The following EPB41L5 variants were observed in gnomAD, a reference collection of about 807,000 sequenced individuals.
EPB41L5 encodes band 4.1-like protein 5.
EPB41L5 carries 55 observed loss-of-function variants against 106.6 expected under a neutral mutation model. The ratio of observed to expected loss-of-function variants is 0.52; its 90% CI spans 0.42 to 0.65. EPB41L5 has a LOEUF of 0.65. Ranked by LOEUF, EPB41L5 falls within the 30% of genes least tolerant of loss-of-function variation. The pLI, the probability that EPB41L5 is intolerant of heterozygous loss-of-function variation, is 0.00. For missense variants in EPB41L5, 871 were observed against 882.1 expected (o/e 0.99, Z 0.16); for synonymous variants, 297 against 306.7 (o/e 0.97, Z 0.33).
chr2:120,120,873 T>A (rs1268153877), intron 16 of EPB41L5, among the ~76,000 whole-genome samples: 1 of 152,194 alleles, frequency 6.6e-6, no homozygotes, highest in African/African-American at 2.4e-5. Flanking sequence ...CCCAGCACCC[T>A]GGGAGGCCGA....
chr2:120,075,118 G>T (rs1028379794), intron 5 of EPB41L5, among the ~76,000 whole-genome samples: 6 of 152,182 alleles, frequency 3.9e-5, no homozygotes, highest in Non-Finnish European at 7.3e-5. Flanking sequence ...GTGAGCCACT[G>T]CACCAGGCCT....
chr2:120,093,139 G>A, intron 13 of EPB41L5, 110 bp from the exon 14 acceptor site: 2 of 908,500 alleles, frequency 2.2e-6, no homozygotes, highest in East Asian at 4.8e-5. Flanking sequence ...TAAATTTATG[G>A]TTGTGAAACA....
chr2:120,123,871 T>C (rs994234780), intron 16 of EPB41L5, among the ~76,000 whole-genome samples: 3 of 152,000 alleles, frequency 2.0e-5, no homozygotes, highest in Non-Finnish European at 4.4e-5. Context: ...TTGCCCAGGC[T>C]GGTCTCAAAC....
chr2:120,144,906 C>G (rs963086369), intron 19 of EPB41L5, among the ~76,000 whole-genome samples: 6 of 152,186 alleles, frequency 3.9e-5, no homozygotes, highest in Non-Finnish European at 7.3e-5. Context: ...AAAATTGTCT[C>G]AATTCATGTA....
At chr2:120,027,051 A>C (rs1429839119) in intron 2 of EPB41L5, among the ~76,000 whole-genome samples, 1 of 152,238 alleles carries the variant, frequency 6.6e-6, no homozygotes, top group African/African-American at 2.4e-5. Flanking sequence ...AAAGTCAGAT[A>C]ATATTAAGTG....
At chr2:120,099,024 C>T (rs1171137145) in intron 14 of EPB41L5, among the ~76,000 whole-genome samples, 1 of 152,242 alleles carries the variant, frequency 6.6e-6, no homozygotes, top group East Asian at 1.9e-4. Flanking sequence ...GCTCGGGGTA[C>T]CCGAAGTATT....
At chr2:120,104,336 T>A in intron 16 of EPB41L5, 1 of 1,427,666 alleles carries the variant, frequency 7.0e-7, no homozygotes, top group Non-Finnish European at 9.1e-7. Context: ...TAGGAGTATT[T>A]GGGAGAATTT....
intron 16 of EPB41L5, among the ~76,000 whole-genome samples, chr2:120,122,196 A>G (rs1412038864): frequency 1.3e-5 from 2 of 152,082 alleles, no homozygotes; most frequent in African/African-American, 2.4e-5. Context: ...CACATTTGTC[A>G]GTTTTGGCTT....
intron 3 of EPB41L5, among the ~76,000 whole-genome samples, chr2:120,052,919 T>C (rs1262698026): frequency 2.6e-5 from 4 of 152,208 alleles, no homozygotes; most frequent in African/African-American, 9.6e-5. Context: ...TTTTTCTCTT[T>C]CCATATTTGT....
chr2:120,081,491 A>G lies in EPB41L5; in HGVS notation c.803+2910A>G, dbSNP rs560005498. On this transcript the variant is annotated intron_variant, in intron 10 of 24. Transcript: ENST00000263713. ...ATATCTCTGTTTTGGTACCAGTACCATGCTGTTTTGGTTACTGTAGCCTTG... is the reference window on the plus strand; with the variant it reads ...ATATCTCTGTTTTGGTACCAGTACCGTGCTGTTTTGGTTACTGTAGCCTTG... 2.8e-3 allele frequency among the ~76,000 whole-genome samples: 427 copies of G among 152,330 alleles called. 3 individuals are homozygous for G. The highest frequency in any genetic ancestry group is 0.024 in the Middle Eastern group (7 of 294).
intron 14 of EPB41L5, among the ~76,000 whole-genome samples, chr2:120,096,110 A>T (rs938167432): frequency 1.3e-5 from 2 of 151,830 alleles, no homozygotes; most frequent in Non-Finnish European, 2.9e-5. Flanking sequence ...AATCTAATTT[A>T]TTTTTGAATT....
intron 20 of EPB41L5, among the ~76,000 whole-genome samples, chr2:120,158,848 T>G (rs1687013061): frequency 1.3e-5 from 2 of 152,188 alleles, no homozygotes; most frequent in South Asian, 4.1e-4. Context: ...CCCCATAGTC[T>G]CAGCCTAAAA....
intron 19 of EPB41L5, among the ~76,000 whole-genome samples, chr2:120,145,846 T>C (rs1367535778): frequency 2.6e-5 from 4 of 152,054 alleles, no homozygotes; most frequent in African/African-American, 9.7e-5. Flanking sequence ...CTCGGGAGGC[T>C]GAGGCAGGAG....
At chr2:120,106,555 G>T (rs1684464293) in intron 16 of EPB41L5, 1 of 985,184 alleles carries the variant, frequency 1.0e-6, no homozygotes, top group Non-Finnish European at 1.2e-6. Flanking sequence ...CACCTTACTG[G>T]GTCACCATCC....
chr2:120,044,141 T>TAAA (rs201677401), intron 3 of EPB41L5, among the ~76,000 whole-genome samples: 1 of 131,026 alleles, frequency 7.6e-6, no homozygotes, highest in Non-Finnish European at 1.6e-5. Context: ...CCCTGTCTCT[T>TAAA]AAAAAAAAAA....
chr2:120,086,678 C>T (rs998004343), intron 10 of EPB41L5, among the ~76,000 whole-genome samples: 5 of 152,152 alleles, frequency 3.3e-5, no homozygotes, highest in African/African-American at 1.2e-4. Context: ...AAGTTCACGG[C>T]TGCAGTGAGC....
At chr2:120,083,490 T>C (rs1412182621) in intron 10 of EPB41L5, among the ~76,000 whole-genome samples, 1 of 152,202 alleles carries the variant, frequency 6.6e-6, no homozygotes, top group Non-Finnish European at 1.5e-5. Flanking sequence ...ATTTCTGTTC[T>C]TTTACATTTG....
Position 120,076,954 on chromosome 2 carries a change from G to T in EPB41L5, c.506-17G>T, listed in dbSNP as rs766014209. The T allele has an allele frequency of 6.4e-7, 1 of 1,569,820 alleles. No homozygotes were observed. Among genetic ancestry groups the T allele is most frequent in the Admixed American group, 1.9e-5 (1 of 52,552 alleles). The stretch of plus-strand genomic sequence containing the variant: ...TTAGCAGGAAATACATATAACTTTT[G>T]AAACTTATGTTTATAGCTGAACTTG... On this transcript the variant is annotated splice_polypyrimidine_tract_variant and intron_variant, in intron 7 of 24. Coordinates refer to ENST00000263713, the MANE Select transcript of EPB41L5 (RefSeq NM_020909.4).
In EPB41L5 at chr2:120,165,967, C is replaced by CAAAA. The variant is rs536664071; in HGVS notation, c.1962+1081_1962+1084dup. Among the ~76,000 whole-genome samples, 47 of 27,980 alleles carry CAAAA rather than the reference C, an allele frequency of 1.7e-3. 1 individual carries two copies. The highest frequency in any genetic ancestry group is 2.6e-3 in the African/African-American group (23 of 8,684). The allele number at this position is 27,980 out of a possible 152,430, so 18.4% of individuals were successfully genotyped here. On this transcript the variant is annotated intron_variant, in intron 22 of 24. Coordinates refer to ENST00000263713, the MANE Select transcript of EPB41L5 (RefSeq NM_020909.4). ...TGGGCGACACAGTGAGACTCCGTCT[C>CAAAA]AAAAAAAAAAAAAAAAAAAAAAAAA... is the stretch of plus-strand genomic sequence containing the variant.
Sources: allele counts gnomAD v4.1 joint callset (sites outside exome capture counted in the v4.1 genomes callset), GRCh38; gene constraint gnomAD v4.1.1; transcripts MANE v1.5; gene names NCBI Gene and HGNC (gene_info 2026-07-23, HGNC 2026-07-21).